Variants in ANKS3 observed in about 807,000 individuals in gnomAD.
ANKS3 encodes ankyrin repeat and SAM domain-containing protein 3.
Under a neutral mutation model 80.7 loss-of-function variants are expected in ANKS3, and 62 were observed. That is an observed-to-expected ratio of 0.77 (90% CI 0.63 to 0.95). ANKS3 has a LOEUF of 0.95. Ranked by LOEUF, ANKS3 falls within the 40% of genes least tolerant of loss-of-function variation. ANKS3 has a pLI of 0.00. For synonymous variants in ANKS3, 489 were observed against 355.3 expected (o/e 1.38, Z -4.23); for missense variants, 1,150 against 883.6 (o/e 1.30, Z -3.82).
At chr16:4,702,307 GC>G in intron 8 of ANKS3, 65 bp from the exon 9 acceptor site, 1 of 1,391,546 alleles carries the variant, frequency 7.2e-7, no homozygotes, top group East Asian at 3.0e-5. Flanking sequence ...AGAGGCCGAG[GC>G]CCAGGATGGA....
intron 9 of ANKS3, 55 bp downstream of exon 9, chr16:4,702,047 C>T: frequency 2.6e-6 from 4 of 1,516,654 alleles, no homozygotes; most frequent in Non-Finnish European, 3.5e-6. Flanking sequence ...GATGGGCACA[C>T]AGGAGCTCCA....
intron 5 of ANKS3, among the ~76,000 whole-genome samples, chr16:4,726,022 C>T (rs1300881132): frequency 1.4e-5 from 2 of 145,770 alleles, no homozygotes; most frequent in African/African-American, 2.5e-5. Flanking sequence ...GTCACCCAGG[C>T]TGGAGTGCAG....
chr16:4,718,689 C>G (rs2080934838), intron 6 of ANKS3, among the ~76,000 whole-genome samples: 1 of 152,214 alleles, frequency 6.6e-6, no homozygotes, highest in South Asian at 2.1e-4. Flanking sequence ...GCTTGCCCAC[C>G]AGCATCGCTG....
At chr16:4,721,109 T>G (rs1055725149) in intron 6 of ANKS3, among the ~76,000 whole-genome samples, 1 of 143,886 alleles carries the variant, frequency 6.9e-6, no homozygotes, top group Non-Finnish European at 1.5e-5. Flanking sequence ...ATCGAGACCA[T>G]CCTGGCTAAC....
intron 2 of ANKS3, among the ~76,000 whole-genome samples, chr16:4,731,311 G>T (rs796479947): frequency 1.3e-5 from 2 of 152,132 alleles, no homozygotes; most frequent in Non-Finnish European, 1.5e-5. Flanking sequence ...AGACAGTCTC[G>T]CTCTGTTGCC....
chr16:4,703,907 C>A (rs1037680466), intron 8 of ANKS3, among the ~76,000 whole-genome samples: 11 of 152,192 alleles, frequency 7.2e-5, no homozygotes, highest in African/African-American at 2.7e-4. Context: ...ATTTGTTGTA[C>A]AGCTATATAG....
chr16:4,697,964 C>T lies in ANKS3; in HGVS notation c.1810+13G>A. 6 of 1,572,230 alleles carry T rather than the reference C, an allele frequency of 3.8e-6. No homozygotes were observed. The highest frequency in any genetic ancestry group is 5.2e-6 in the Non-Finnish European group (6 of 1,160,610). Reference sequence around the variant, plus strand: ...CCCCTCTGCCCAGTGCGGAGTCAGGCCACTGCTCTTACCAGCTGGGGGGAC... The same window carrying T: ...CCCCTCTGCCCAGTGCGGAGTCAGGTCACTGCTCTTACCAGCTGGGGGGAC... On this transcript the variant is annotated intron_variant, in intron 15 of 17. Transcript: ENST00000304283.
chr16:4,697,457 C>A, intron 15 of ANKS3, 41 bp from the exon 16 acceptor site: 1 of 1,481,366 alleles, frequency 6.8e-7, no homozygotes, highest in Non-Finnish European at 9.2e-7. Context: ...TGGGGGTCTG[C>A]GTCCCCACAG....
intron 7 of ANKS3, among the ~76,000 whole-genome samples, chr16:4,706,490 C>T (rs897363604): frequency 1.3e-5 from 2 of 152,190 alleles, no homozygotes; most frequent in Non-Finnish European, 2.9e-5. Flanking sequence ...CCACCTTGGC[C>T]TCCCACAAAG....
At chr16:4,708,955 C>T (rs754460465) in intron 7 of ANKS3, among the ~76,000 whole-genome samples, 11 of 149,950 alleles carry the variant, frequency 7.3e-5, no homozygotes, top group Non-Finnish European at 1.2e-4. Context: ...AAAAAAAGAA[C>T]AAACACAAAT....
chr16:4,714,014 G>A (rs777914001), intron 7 of ANKS3, 37 bp downstream of exon 7: 1 of 1,608,484 alleles, frequency 6.2e-7, no homozygotes, highest in East Asian at 2.2e-5. Flanking sequence ...AAGGCAACCA[G>A]AGACCCCAGC....
Position 4,696,947 on chromosome 16 carries a change from C to G in ANKS3, c.*12-51G>C, listed in dbSNP as rs74854870. 3.7e-4 allele frequency: 541 copies of G among 1,464,336 alleles called. 1 individual carries two copies. In the African/African-American group the frequency reaches 6.8e-3, roughly 18 times the overall value. The allele number at this position is 1,464,336 out of a possible 1,614,324, so 90.7% of individuals were successfully genotyped here. On this transcript the variant is annotated intron_variant, in intron 17 of 17. Coordinates refer to ENST00000304283, the MANE Select transcript of ANKS3 (RefSeq NM_133450.4). Reference sequence around the variant, plus strand: ...GGGAGGGGGACAGGTGGGTGCATACCCACACCTGCAGCCGCCCAGACAGGC... The same window carrying G: ...GGGAGGGGGACAGGTGGGTGCATACGCACACCTGCAGCCGCCCAGACAGGC...
intron 5 of ANKS3, among the ~76,000 whole-genome samples, chr16:4,725,872 C>G (rs554103626): frequency 6.6e-6 from 1 of 151,612 alleles, no homozygotes; most frequent in Non-Finnish European, 1.5e-5. Flanking sequence ...GTTGGCCAGA[C>G]TGGTCTCGAA....
chr16:4,733,979 G>T lies in ANKS3; in HGVS notation c.-112C>A, dbSNP rs1047020420. ...GACGCCCCCCGGCCACATCCCCACAGGAACGCTACGGCGCACAGGGCATTA... is the reference window on the plus strand; with the variant it reads ...GACGCCCCCCGGCCACATCCCCACATGAACGCTACGGCGCACAGGGCATTA... On this transcript the variant is annotated 5_prime_UTR_variant, in exon 1 of 18. In the 5' UTR this introduces an upstream ATG that the reference lacks. Coordinates refer to ENST00000304283, the MANE Select transcript of ANKS3 (RefSeq NM_133450.4). 1 of 985,358 alleles carries T rather than the reference G, an allele frequency of 1.0e-6. No homozygotes were observed. Among genetic ancestry groups the T allele is most frequent in the Non-Finnish European group, 1.2e-6 (1 of 829,982 alleles). The allele number at this position is 985,358 out of a possible 1,614,324, so 61.0% of individuals were successfully genotyped here. A position where few individuals can be genotyped will look rare whatever the true frequency, so the allele number is the denominator to read the frequency against.
intron 12 of ANKS3, 32 bp downstream of exon 12, chr16:4,699,020 G>C: frequency 1.1e-5 from 17 of 1,614,176 alleles, no homozygotes; most frequent in Non-Finnish European, 1.4e-5. Flanking sequence ...CCAACCCCGG[G>C]CTGAGGGCCA....
At chr16:4,705,780 G>C (rs2080156820) in intron 7 of ANKS3, among the ~76,000 whole-genome samples, 1 of 151,890 alleles carries the variant, frequency 6.6e-6, no homozygotes, top group African/African-American at 2.4e-5. Context: ...TATCTCTGTT[G>C]GGGTTTGCCA....
intron 7 of ANKS3, among the ~76,000 whole-genome samples, chr16:4,709,198 G>A (rs1052458008): frequency 1.2e-4 from 18 of 151,838 alleles, no homozygotes; most frequent in African/African-American, 4.4e-4. Flanking sequence ...CCTTATGTCG[G>A]GAGTTCGAGA....
intron 6 of ANKS3, among the ~76,000 whole-genome samples, chr16:4,723,676 T>C (rs913784777): frequency 6.6e-6 from 1 of 152,240 alleles, no homozygotes; most frequent in Non-Finnish European, 1.5e-5. Context: ...GCTATACAGA[T>C]ATATATTTTG....
intron 16 of ANKS3, 105 bp from the exon 17 acceptor site, chr16:4,697,209 T>G: frequency 6.4e-7 from 1 of 1,556,688 alleles, no homozygotes; most frequent in Non-Finnish European, 8.8e-7. Context: ...TCACCCGTTA[T>G]GGCCCCAGCC....
Sources: allele counts gnomAD v4.1 joint callset (sites outside exome capture counted in the v4.1 genomes callset), GRCh38; gene constraint gnomAD v4.1.1; transcripts MANE v1.5; gene names NCBI Gene and HGNC (gene_info 2026-07-23, HGNC 2026-07-21).